Variants in CRPPA observed in about 807,000 individuals in gnomAD.
CRPPA encodes CDP-L-ribitol pyrophosphorylase A, also known as D-ribitol-5-phosphate cytidylyltransferase.
Under a neutral mutation model 52.0 loss-of-function variants are expected in CRPPA, and 43 were observed. The ratio of observed to expected loss-of-function variants is 0.83; its 90% CI spans 0.65 to 1.07. The LOEUF (loss-of-function observed/expected upper bound fraction) is 1.07. Ranked by LOEUF, CRPPA falls within the 50% of genes least tolerant of loss-of-function variation. The pLI is 0.00. For missense variants in CRPPA, 629 were observed against 551.7 expected (o/e 1.14, Z -1.40); for synonymous variants, 250 against 203.5 (o/e 1.23, Z -1.94).
chr7:16,112,053 G>T (rs1477556405), intron 9 of CRPPA, among the ~76,000 whole-genome samples: 1 of 152,114 alleles, frequency 6.6e-6, no homozygotes, highest in African/African-American at 2.4e-5. Context: ...CGTGGCTGAT[G>T]CCTGTAATCC....
intron 1 of CRPPA, among the ~76,000 whole-genome samples, chr7:16,413,386 G>T (rs1788116793): frequency 6.6e-6 from 1 of 152,164 alleles, no homozygotes; most frequent in African/African-American, 2.4e-5. Flanking sequence ...CAAAATACAA[G>T]TCCCATGACT....
At chr7:16,398,224 TAAC>T (rs1787668693) in intron 2 of CRPPA, among the ~76,000 whole-genome samples, 1 of 151,474 alleles carries the variant, frequency 6.6e-6, no homozygotes. Context: ...CTACATGTAA[TAAC>T]GTGACTGACA....
At chr7:16,323,336 G>C (rs1166336264) in intron 3 of CRPPA, among the ~76,000 whole-genome samples, 1 of 151,958 alleles carries the variant, frequency 6.6e-6, no homozygotes, top group Non-Finnish European at 1.5e-5. Context: ...CCCTACTAAG[G>C]GGTAAAATAA....
chr7:16,330,037 T>C (rs1389910350), intron 3 of CRPPA, among the ~76,000 whole-genome samples: 3 of 152,250 alleles, frequency 2.0e-5, no homozygotes, highest in African/African-American at 7.2e-5. Context: ...TCCTTCTAGC[T>C]TGCTTTCTTG....
intron 8 of CRPPA, among the ~76,000 whole-genome samples, chr7:16,252,450 T>C (rs1054561004): frequency 6.6e-6 from 1 of 152,208 alleles, no homozygotes; most frequent in African/African-American, 2.4e-5. Context: ...AATATCATAC[T>C]GAATGGGCAA....
In CRPPA at chr7:16,318,670, C is replaced by T. The variant is rs74840721; in HGVS notation, c.685-10043G>A. Among the ~76,000 whole-genome samples, 17 of 152,220 alleles carry T rather than the reference C, an allele frequency of 1.1e-4. No homozygotes were observed. In the East Asian group the frequency reaches 3.3e-3, roughly 29 times the overall value. On this transcript the variant is annotated intron_variant, in intron 3 of 9. Transcript: ENST00000407010. Reference sequence around the variant, plus strand: ...CTCAGACTGGAGGGGCAGCAACCAACCAGACCATGCCTTCCTTAAGGCAAT... The same window carrying T: ...CTCAGACTGGAGGGGCAGCAACCAATCAGACCATGCCTTCCTTAAGGCAAT...
At chr7:16,128,436 G>A (rs147726036) in intron 9 of CRPPA, among the ~76,000 whole-genome samples, 1 of 152,030 alleles carries the variant, frequency 6.6e-6, no homozygotes, top group African/African-American at 2.4e-5. Context: ...AGGGAAATCT[G>A]AAGAGTTTTT....
intron 9 of CRPPA, among the ~76,000 whole-genome samples, chr7:16,150,083 C>A (rs1319798073): frequency 6.6e-6 from 1 of 151,604 alleles, no homozygotes; most frequent in Admixed American, 6.6e-5. Context: ...ATGTGTACAA[C>A]GAAACTGGTA....
intron 9 of CRPPA, among the ~76,000 whole-genome samples, chr7:16,105,587 A>C (rs544102365): frequency 6.6e-6 from 1 of 152,296 alleles, no homozygotes; most frequent in South Asian, 2.1e-4. Flanking sequence ...ATCATGTCAC[A>C]GATCTTGGTG....
intron 2 of CRPPA, 21 bp from the exon 3 acceptor site, chr7:16,376,262 G>T (rs981746245): frequency 2.5e-6 from 4 of 1,577,836 alleles, no homozygotes; most frequent in African/African-American, 1.4e-5. Context: ...AAGAGGCAAA[G>T]AATATATTTC....
intron 6 of CRPPA, among the ~76,000 whole-genome samples, chr7:16,267,479 G>A (rs1420308051): frequency 2.6e-5 from 4 of 152,166 alleles, no homozygotes; most frequent in Admixed American, 2.0e-4. Context: ...TCTATCATTT[G>A]AATCCACATT....
At chr7:16,168,986 T>C (rs1781122361) in intron 9 of CRPPA, among the ~76,000 whole-genome samples, 1 of 152,160 alleles carries the variant, frequency 6.6e-6, no homozygotes, top group Non-Finnish European at 1.5e-5. Context: ...GTAGTCAATG[T>C]CAAACTCTAT....
intron 2 of CRPPA, among the ~76,000 whole-genome samples, chr7:16,399,926 TTA>T: frequency 6.6e-6 from 1 of 151,952 alleles, no homozygotes; most frequent in East Asian, 1.9e-4. Flanking sequence ...GACAGGCGTG[TTA>T]TGTGACCATA....
chr7:16,325,292 C>T (rs576756184), intron 3 of CRPPA, among the ~76,000 whole-genome samples: 39 of 152,036 alleles, frequency 2.6e-4, no homozygotes, highest in East Asian at 1.9e-3. Flanking sequence ...AGAAATTACA[C>T]GGAAACAAAC....
chr7:16,328,278 A>G (rs1368478527), intron 3 of CRPPA, among the ~76,000 whole-genome samples: 2 of 152,112 alleles, frequency 1.3e-5, no homozygotes. Context: ...TGCCCAAATG[A>G]TTTATATACC....
chr7:16,167,901 G>A (rs1374395202), intron 9 of CRPPA, among the ~76,000 whole-genome samples: 1 of 152,108 alleles, frequency 6.6e-6, no homozygotes, highest in Non-Finnish European at 1.5e-5. Context: ...ACTGTAACAT[G>A]CTAGAAAAAA....
At chr7:16,338,980 A>G (rs1282067934) in intron 3 of CRPPA, among the ~76,000 whole-genome samples, 1 of 151,744 alleles carries the variant, frequency 6.6e-6, no homozygotes, top group African/African-American at 2.4e-5. Context: ...CACGCCGGCT[A>G]ATTTTTTTTT....
intron 1 of CRPPA, among the ~76,000 whole-genome samples, chr7:16,410,526 C>A (rs1485936327): frequency 6.6e-6 from 1 of 152,184 alleles, no homozygotes; most frequent in Non-Finnish European, 1.5e-5. Flanking sequence ...ATTTACTGCA[C>A]TAGCCCCTCA....
At position 16,088,967 on chromosome 7, in the gene CRPPA, G is replaced by A. The variant is rs1781757040; in HGVS notation, c.*2728C>T. 1 of 208,940 alleles carries A rather than the reference G, an allele frequency of 4.8e-6. No homozygotes were observed. The highest frequency in any genetic ancestry group is 1.0e-5 in the Non-Finnish European group (1 of 96,872). The allele number at this position is 208,940 out of a possible 1,614,324, so 12.9% of individuals were successfully genotyped here. A position where few individuals can be genotyped will look rare whatever the true frequency, so the allele number is the denominator to read the frequency against. On this transcript the variant is annotated 3_prime_UTR_variant, in exon 10 of 10. Coordinates refer to ENST00000407010, the MANE Select transcript of CRPPA (RefSeq NM_001101426.4). ...TTATATATCAGATGTCTTTGCCAGG[G>A]GTCATTGTTAGACAGGAATATAAGC...
Sources: allele counts gnomAD v4.1 joint callset (sites outside exome capture counted in the v4.1 genomes callset), GRCh38; gene constraint gnomAD v4.1.1; transcripts MANE v1.5; gene names NCBI Gene and HGNC (gene_info 2026-07-23, HGNC 2026-07-21).